DNM1L: variants seen among roughly 807,000 people sequenced by gnomAD.
DNM1L encodes dynamin-1-like protein.
Under a neutral mutation model 92.8 loss-of-function variants are expected in DNM1L, and 33 were observed. The observed-to-expected ratio is 0.36, with a 90% CI of 0.27 to 0.48. The LOEUF (loss-of-function observed/expected upper bound fraction) is 0.48, where lower values mean the gene tolerates loss of function less well. Among genes scored for constraint, DNM1L ranks in the 20% least tolerant of loss-of-function variants. The probability of loss-of-function intolerance (pLI) is 0.99; values close to 1 mark genes in which losing one functional copy is unlikely to be tolerated. For missense variants in DNM1L, 485 were observed against 888.8 expected, an observed-to-expected ratio of 0.55 and a Z score of 5.78; for synonymous variants, 284 against 305.0, an observed-to-expected ratio of 0.93 and a Z score of 0.72.
At position 32,745,298 on chromosome 12, in the gene DNM1L, A is replaced by G; in HGVS notation, c.*1888A>G. On this transcript the variant is annotated 3_prime_UTR_variant, in exon 20 of 20. Coordinates refer to ENST00000549701, the MANE Select transcript of DNM1L (RefSeq NM_012062.5). Reference sequence around the variant, plus strand: ...ATTTGTAAGGGGAAAAAAAACAAAAACAAAAACTTACGATGCACTTTTCTC... The same window carrying G: ...ATTTGTAAGGGGAAAAAAAACAAAAGCAAAAACTTACGATGCACTTTTCTC... The G allele has an allele frequency of 4.4e-6, 1 of 227,382 alleles. No individual in the cohort carries two copies. The allele number at this position is 227,382 out of a possible 1,614,324, so 14.1% of individuals were successfully genotyped here.
At chr12:32,736,067 C>CTTT (rs773591822) in intron 13 of DNM1L, among the ~76,000 whole-genome samples, 15 of 113,038 alleles carry the variant, frequency 1.3e-4, no homozygotes, top group African/African-American at 3.6e-4. Context: ...TCTTCATAAT[C>CTTT]TTTTTTTTTT....
In DNM1L at chr12:32,713,203, G is replaced by T; in HGVS notation, c.457-6G>T. 2 of 1,613,762 alleles carry T rather than the reference G, an allele frequency of 1.2e-6. No individual in the cohort carries two copies. The stretch of plus-strand genomic sequence containing the variant: ...TTAGTTCCTTGCTCATCTCTGTTTG[G>T]TTTAGGTGCCTGTAGGTGATCAACC... On this transcript the variant is annotated splice_polypyrimidine_tract_variant and splice_region_variant and intron_variant, in intron 5 of 19. Transcript: ENST00000549701.
chr12:32,727,146 T>A, intron 9 of DNM1L: 3 of 776,726 alleles, frequency 3.9e-6, no homozygotes. Flanking sequence ...CTCATCTTCT[T>A]CATCTGGTTT....
chr12:32,710,415 A>C (rs1953080140), intron 4 of DNM1L, among the ~76,000 whole-genome samples: 1 of 152,212 alleles, frequency 6.6e-6, no homozygotes, highest in African/African-American at 2.4e-5. Flanking sequence ...GGAATGGCAT[A>C]TGCCAGCCTG....
In DNM1L at chr12:32,705,571, A is replaced by G. The variant is rs114219734; in HGVS notation, c.251-1796A>G. 1.8e-3 allele frequency: 664 copies of G among 372,928 alleles called. 4 individuals are homozygous for G. Among genetic ancestry groups the G allele is most frequent in the African/African-American group, 0.012 (597 of 47,886 alleles). The allele number at this position is 372,928 out of a possible 1,614,324, so 23.1% of individuals were successfully genotyped here. A position where few individuals can be genotyped will look rare whatever the true frequency, so the allele number is the denominator to read the frequency against. On this transcript the variant is annotated intron_variant, in intron 2 of 19. Transcript: ENST00000549701. ...ATGTTAAAAATAAGTTATGGCAAGC[A>G]ATATGCTTTGTTTCTATGACTTAAA... is the stretch of plus-strand genomic sequence containing the variant.
chr12:32,713,279 A>G lies in DNM1L; in HGVS notation c.527A>G (p.Asn176Ser), dbSNP rs200474114. 3 of 1,613,960 alleles carry G rather than the reference A, an allele frequency of 1.9e-6. No individual in the cohort carries two copies. The highest frequency in any genetic ancestry group is 1.1e-5 in the South Asian group (1 of 91,084). The change falls in exon 6 of 20, where the codon AAT (asparagine) becomes AGT (serine). Residue 176 changes from asparagine (N) to serine (S), a missense_variant. Physicochemically the swap from Asn to Ser is conservative, Grantham distance 46 (BLOSUM62 1). This residue lies in a region of DNM1L where 159 missense variants were observed against 275.9 expected (regional missense o/e 0.58). Transcript: ENST00000549701. ...IRELILRFISNPNSIILAVTA... is the reference protein window; with the variant it reads ...IRELILRFISSPNSIILAVTA... ...GAGCTCATTCTTCGGTTCATCAGTA[A>G]TCCTAATTCCATTATCCTCGCTGTC...
At chr12:32,723,599 CAGG>C (rs1042889311) in intron 9 of DNM1L, among the ~76,000 whole-genome samples, 19 of 148,642 alleles carry the variant, frequency 1.3e-4, no homozygotes, top group African/African-American at 4.0e-4. Context: ...GAGGCTGAGG[CAGG>C]AGAATTGCTT....
At chr12:32,699,966 TTAAA>T (rs1357712971) in intron 1 of DNM1L, among the ~76,000 whole-genome samples, 1 of 145,680 alleles carries the variant, frequency 6.9e-6, no homozygotes, top group East Asian at 2.0e-4. Flanking sequence ...GCAATTTAAC[TTAAA>T]TGAACTAAAT....
intron 2 of DNM1L, among the ~76,000 whole-genome samples, chr12:32,706,397 C>A (rs1952929161): frequency 6.6e-6 from 1 of 152,248 alleles, no homozygotes; most frequent in African/African-American, 2.4e-5. Context: ...GATATTTTAA[C>A]CTTCTCTAAA....
rs1233958373 is a variant in DNM1L at position 32,740,469 on chromosome 12, C to T, written c.1945C>T (p.Arg649Ter). ...ACAGCGAGATTGTGAGGTTATTGAA[C>T]GACTCATTAAATCATATTTTCTCAT... The part of the protein sequence containing the change: ...REQRDCEVIE[R>*]LIKSYFLIVR... The change falls in exon 18 of 20, where the codon CGA becomes TGA. Residue 649 changes from arginine to a stop codon, truncating the protein, a stop_gained. Coordinates refer to ENST00000549701, the MANE Select transcript of DNM1L (RefSeq NM_012062.5). LOFTEE classifies it high-confidence loss of function. The T allele has an allele frequency of 2.5e-6, 4 of 1,613,968 alleles. No individual in the cohort carries two copies. Among genetic ancestry groups the T allele is most frequent in the South Asian group, 1.1e-5 (1 of 91,050 alleles).
chr12:32,691,053 G>T (rs1482225255), intron 1 of DNM1L, among the ~76,000 whole-genome samples: 5 of 152,168 alleles, frequency 3.3e-5, no homozygotes, highest in Admixed American at 6.5e-5. Flanking sequence ...AAAAGCAGAA[G>T]TTTATTTTCT....
At position 32,710,941 on chromosome 12, in the gene DNM1L, G is replaced by A; in HGVS notation, c.382G>A (p.Glu128Lys). 6.2e-7 allele frequency: 1 copy of A among 1,613,642 alleles called. No homozygotes were observed. Among genetic ancestry groups the A allele is most frequent in the African/African-American group, 1.3e-5 (1 of 75,010 alleles). The change falls in exon 5 of 20, where the codon GAA becomes AAA. Residue 128 changes from glutamate to lysine, a missense_variant. Glu to Lys is a moderately conservative substitution (Grantham distance 56, BLOSUM62 1). Coordinates refer to ENST00000549701, the MANE Select transcript of DNM1L (RefSeq NM_012062.5). ...ISGNNKGVSP[E>K]PIHLKIFSPN... The stretch of plus-strand genomic sequence containing the variant: ...AATTTATTTTTAGGGAGTAAGCCCT[G>A]AACCAATTCATCTTAAGATTTTTTC...
chr12:32,739,934 C>A (rs545140047), intron 16 of DNM1L, 130 bp from the exon 17 acceptor site: 3 of 1,176,266 alleles, frequency 2.6e-6, no homozygotes, highest in East Asian at 5.1e-5. Flanking sequence ...TCCTTCTGAC[C>A]TCATTATCTG....
chr12:32,711,764 G>A (rs1953134259), intron 5 of DNM1L, among the ~76,000 whole-genome samples: 1 of 152,070 alleles, frequency 6.6e-6, no homozygotes. Flanking sequence ...GCATGGTGGT[G>A]CACACATGTA....
chr12:32,679,323 G>T lies in DNM1L; in HGVS notation c.-41G>T. 1 of 1,404,690 alleles carries T rather than the reference G, an allele frequency of 7.1e-7. No homozygotes were observed. Among genetic ancestry groups the T allele is most frequent in the Non-Finnish European group, 1.0e-6 (1 of 994,500 alleles). 87.0% of individuals were successfully genotyped at this position (1,404,690 alleles called of 1,614,324 possible). ...ACTGTGGGCCCCGGCCCCATTCATT[G>T]CCGTGGCCGGCGGGCACTGGGGCCC... On this transcript the variant is annotated 5_prime_UTR_variant, in exon 1 of 20. Transcript: ENST00000549701.
chr12:32,686,045 C>CTTTTTTTTTTTTT lies in DNM1L; in HGVS notation c.102+6590_102+6602dup, dbSNP rs972264615. 7.3e-5 allele frequency among the ~76,000 whole-genome samples: 6 copies of CTTTTTTTTTTTTT among 82,690 alleles called. 2 individuals carry two copies. Among genetic ancestry groups the CTTTTTTTTTTTTT allele is most frequent in the African/African-American group, 3.0e-4 (5 of 16,638 alleles). The allele number at this position is 82,690 out of a possible 152,430, so 54.2% of individuals were successfully genotyped here. ...GAAATTTGCAGAACATAAAATTAGC[C>CTTTTTTTTTTTTT]TTTTTTTTTTTTTTTTTTTTTTGAG... On this transcript the variant is annotated intron_variant, in intron 1 of 19. Transcript: ENST00000549701.
At chr12:32,743,308 CATAACTTTATA>C in intron 19 of DNM1L, 35 bp from the exon 20 acceptor site, 1 of 1,554,650 alleles carries the variant, frequency 6.4e-7, no homozygotes, top group Non-Finnish European at 8.8e-7. Flanking sequence ...AGATTAATTT[CATAACTTTATA>C]ATAAGCATTT....
chr12:32,708,164 T>C lies in DNM1L; in HGVS notation c.309T>C (p.Asp103=), dbSNP rs765621972. The C allele has an allele frequency of 3.7e-6, 6 of 1,601,602 alleles. No individual in the cohort carries two copies. In the South Asian group the frequency reaches 4.4e-5, roughly 12 times the overall value. ...TCAAAAATTTTTAGCTTTACACGGA[T>C]TTTGATGAAATTCGACAAGAAATTG... is the stretch of plus-strand genomic sequence containing the variant. ...FLHTKNKLYT[D]FDEIRQEIEN... The change falls in exon 4 of 20, where the codon GAT becomes GAC. Residue 103 remains aspartate, a synonymous_variant. Coordinates refer to ENST00000549701, the MANE Select transcript of DNM1L (RefSeq NM_012062.5).
At chr12:32,707,475 G>A in intron 3 of DNM1L, 62 bp downstream of exon 3, 1 of 1,194,170 alleles carries the variant, frequency 8.4e-7, no homozygotes. Flanking sequence ...ATGAATACTT[G>A]ATAATTTAGT....
Sources: allele counts gnomAD v4.1 joint callset (sites outside exome capture counted in the v4.1 genomes callset), GRCh38; gene constraint gnomAD v4.1.1; regional missense constraint gnomAD v4.1.1; transcripts MANE v1.5; gene names NCBI Gene and HGNC (gene_info 2026-07-23, HGNC 2026-07-21).